The following SLC39A8 variants were observed in gnomAD, a reference collection of about 807,000 sequenced individuals.
The protein encoded by SLC39A8 is solute carrier family 39 member 8.
SLC39A8 carries 15 observed loss-of-function variants against 40.4 expected under a neutral mutation model. The ratio of observed to expected loss-of-function variants is 0.37; its 90% CI spans 0.25 to 0.57. SLC39A8 has a LOEUF of 0.57. SLC39A8 is among the 20% of genes least tolerant of loss of function. The pLI is 0.75. For synonymous variants in SLC39A8, 223 were observed against 221.6 expected, an observed-to-expected ratio of 1.01 and a Z score of -0.06; for missense variants, 472 against 558.8, an observed-to-expected ratio of 0.84 and a Z score of 1.57.
intron 2 of SLC39A8, among the ~76,000 whole-genome samples, 155 bp from the exon 3 acceptor site, chr4:102,315,985 A>G (rs1353843359): frequency 6.6e-6 from 1 of 152,052 alleles, no homozygotes; most frequent in Non-Finnish European, 1.5e-5. Flanking sequence ...AAAGTTGTAA[A>G]ACAGCCCACA....
At chr4:102,310,724 G>C (rs1396873812) in intron 3 of SLC39A8, among the ~76,000 whole-genome samples, 1 of 152,044 alleles carries the variant, frequency 6.6e-6, no homozygotes, top group African/African-American at 2.4e-5. Context: ...CTTAACTGAA[G>C]CACCAAAAGT....
intron 2 of SLC39A8, among the ~76,000 whole-genome samples, chr4:102,320,263 A>G (rs985213213): frequency 7.3e-6 from 1 of 137,132 alleles, no homozygotes; most frequent in African/African-American, 2.7e-5. Context: ...ATGAGTATAT[A>G]TATGAGAATA....
At chr4:102,291,679 T>A in intron 6 of SLC39A8, among the ~76,000 whole-genome samples, 1 of 151,904 alleles carries the variant, frequency 6.6e-6, no homozygotes, top group African/African-American at 2.4e-5. Context: ...CTTCTGTTTT[T>A]TCTTTGTTAT....
At position 102,262,623 on chromosome 4, in the gene SLC39A8, A is replaced by T; in HGVS notation, c.*421T>A. ...ATGTACTTGCTCTTGAAAGCACTAG[A>T]ACAAATTAATTGAAATAAAACCTCT... On this transcript the variant is annotated 3_prime_UTR_variant, in exon 9 of 9. Transcript: ENST00000356736. 1 of 986,638 alleles carries T rather than the reference A, an allele frequency of 1.0e-6. No homozygotes were observed. Among genetic ancestry groups the T allele is most frequent in the Non-Finnish European group, 1.2e-6 (1 of 830,698 alleles). The allele number at this position is 986,638 out of a possible 1,614,324, so 61.1% of individuals were successfully genotyped here.
At chr4:102,280,627 A>G (rs1732830214) in intron 6 of SLC39A8, among the ~76,000 whole-genome samples, 1 of 152,224 alleles carries the variant, frequency 6.6e-6, no homozygotes, top group African/African-American at 2.4e-5. Flanking sequence ...TAACTACCAA[A>G]ATGAAGCTTC....
chr4:102,259,053 C>G (rs1366645673), downstream of SLC39A8, among the ~76,000 whole-genome samples: 1 of 152,198 alleles, frequency 6.6e-6, no homozygotes, highest in Non-Finnish European at 1.5e-5. Context: ...AAGCACTTGC[C>G]AGACCTCCTC....
At chr4:102,319,790 G>T (rs985482604) in intron 2 of SLC39A8, among the ~76,000 whole-genome samples, 1 of 151,954 alleles carries the variant, frequency 6.6e-6, no homozygotes, top group Non-Finnish European at 1.5e-5. Context: ...TATTTCTAGG[G>T]CGTTAAACAT....
rs1040805869 is a variant in SLC39A8 at position 102,305,130 on chromosome 4, C to A, written c.553-19G>T. On this transcript the variant is annotated intron_variant, in intron 4 of 8. Coordinates refer to ENST00000356736, the MANE Select transcript of SLC39A8 (RefSeq NM_001135146.2). The stretch of plus-strand genomic sequence containing the variant: ...CAAATGCCTAAGGGAGAAAAAAGGG[C>A]AATTCAAGTAAAACCAAGAAATTTA... The A allele has an allele frequency of 1.9e-6, 3 of 1,596,988 alleles. No homozygotes were observed. The highest frequency in any genetic ancestry group is 2.6e-6 in the Non-Finnish European group (3 of 1,174,178).
rs548891813 is a variant in SLC39A8 at position 102,306,362 on chromosome 4, A to G, written c.552+1074T>C. ...GTATTGTCATCCTAGCTTTGTTACT[A>G]GCTGATTGTAAGGCTATAATCAAAT... On this transcript the variant is annotated intron_variant, in intron 4 of 8. Transcript: ENST00000356736. Among the ~76,000 whole-genome samples, 6 of 152,014 alleles carry G rather than the reference A, an allele frequency of 3.9e-5. No homozygotes were observed. The South Asian group carries it at 1.2e-3, about 31-fold the overall frequency.
chr4:102,252,407 T>A (rs444943), exon 12 of SLC39A8: 83,416 of 152,224 alleles, frequency 0.55, 23,125 homozygotes, highest in Middle Eastern at 0.63. Flanking sequence ...TCCTTCTTTT[T>A]CTTCTTTAGA....
chr4:102,296,760 C>T (rs1187125730), intron 6 of SLC39A8, among the ~76,000 whole-genome samples: 1 of 152,098 alleles, frequency 6.6e-6, no homozygotes, highest in Non-Finnish European at 1.5e-5. Flanking sequence ...GAAAGTATTA[C>T]AGCAGCTAAA....
At chr4:102,320,156 C>CATATATATATACATATATATATAT (rs1578611848) in intron 2 of SLC39A8, among the ~76,000 whole-genome samples, 1 of 102,428 alleles carries the variant, frequency 9.8e-6, no homozygotes, top group African/African-American at 4.1e-5. Context: ...CATAATCTCT[C>CATATATATATACATATATATATAT]ATATATATAT....
At chr4:102,319,421 C>T (rs76470762) in intron 2 of SLC39A8, among the ~76,000 whole-genome samples, 2,515 of 152,096 alleles carry the variant, frequency 0.017, 71 homozygotes, top group African/African-American at 0.057. Context: ...GCCCAGGCCT[C>T]GACCCTAGCA....
At chr4:102,291,569 A>G (rs1733442444) in intron 6 of SLC39A8, among the ~76,000 whole-genome samples, 1 of 152,076 alleles carries the variant, frequency 6.6e-6, no homozygotes, top group East Asian at 1.9e-4. Context: ...CTTCTCAAAG[A>G]AGGTCCAATA....
At chr4:102,323,131 C>A (rs1462528590) in intron 2 of SLC39A8, among the ~76,000 whole-genome samples, 1 of 152,188 alleles carries the variant, frequency 6.6e-6, no homozygotes, top group Admixed American at 6.5e-5. Flanking sequence ...AGAGATGCAA[C>A]AAGTAAGAGG....
intron 6 of SLC39A8, among the ~76,000 whole-genome samples, chr4:102,295,903 C>G (rs1733660049): frequency 6.6e-6 from 1 of 152,194 alleles, no homozygotes; most frequent in Admixed American, 6.5e-5. Context: ...TGGGGAAAAG[C>G]AAGTAGTTCT....
Position 102,282,611 on chromosome 4 carries a change from T to C in SLC39A8, c.841-14532A>G, listed in dbSNP as rs112754377. ...GTGTTCAATAAATATTATTTTTAATTAAATGGTGGGGGGGGGTGCTGAATT... is the reference window on the plus strand; with the variant it reads ...GTGTTCAATAAATATTATTTTTAATCAAATGGTGGGGGGGGGTGCTGAATT... On this transcript the variant is annotated intron_variant, in intron 6 of 8. Coordinates refer to ENST00000356736, the MANE Select transcript of SLC39A8 (RefSeq NM_001135146.2). 4.7e-3 allele frequency among the ~76,000 whole-genome samples: 462 copies of C among 99,112 alleles called. 3 individuals carry two copies. The highest frequency in any genetic ancestry group is 0.012 in the African/African-American group (444 of 36,638). The allele number at this position is 99,112 out of a possible 152,430, so 65.0% of individuals were successfully genotyped here. A position where few individuals can be genotyped will look rare whatever the true frequency, so the allele number is the denominator to read the frequency against.
At chr4:102,312,377 C>G (rs1426560295) in intron 3 of SLC39A8, among the ~76,000 whole-genome samples, 2 of 151,982 alleles carry the variant, frequency 1.3e-5, no homozygotes, top group Non-Finnish European at 2.9e-5. Flanking sequence ...ATTTGGTGAT[C>G]CCATAACTTA....
At chr4:102,323,027 A>G (rs890156623) in intron 2 of SLC39A8, among the ~76,000 whole-genome samples, 2 of 152,194 alleles carry the variant, frequency 1.3e-5, no homozygotes, top group Non-Finnish European at 2.9e-5. Context: ...AACTACAGCT[A>G]CTTTCTGAAA....
Sources: allele counts gnomAD v4.1 joint callset (sites outside exome capture counted in the v4.1 genomes callset), GRCh38; gene constraint gnomAD v4.1.1; transcripts MANE v1.5; gene names NCBI Gene and HGNC (gene_info 2026-07-23, HGNC 2026-07-21).